Variants in PARD3 observed in about 807,000 individuals in gnomAD.
The protein encoded by PARD3 is par-3 family cell polarity regulator, also known as partitioning defective 3 homolog.
In PARD3, 75 loss-of-function variants were observed where a neutral mutation model predicts 155.4. The observed-to-expected ratio is 0.48, with a 90% CI of 0.40 to 0.58. The LOEUF (loss-of-function observed/expected upper bound fraction) is 0.58. PARD3 is among the 20% of genes least tolerant of loss of function. PARD3 has a pLI of 0.00. For missense variants in PARD3, 1,642 were observed against 1,721.7 expected, an observed-to-expected ratio of 0.95 and a Z score of 0.82; for synonymous variants, 576 against 610.5, an observed-to-expected ratio of 0.94 and a Z score of 0.83.
chr10:34,438,065 G>C (rs1225789508), intron 5 of PARD3, among the ~76,000 whole-genome samples: 1 of 152,092 alleles, frequency 6.6e-6, no homozygotes, highest in Non-Finnish European at 1.5e-5. Context: ...GGAGAGCCAG[G>C]TGGCTTTCCC....
chr10:34,691,604 A>G (rs749465607), intron 2 of PARD3, among the ~76,000 whole-genome samples: 3 of 152,230 alleles, frequency 2.0e-5, no homozygotes, highest in Non-Finnish European at 4.4e-5. Flanking sequence ...AATAATTCAC[A>G]TAGAACTGAA....
chr10:34,576,556 T>C (rs1304299415), intron 2 of PARD3, among the ~76,000 whole-genome samples: 2 of 151,880 alleles, frequency 1.3e-5, no homozygotes, highest in Non-Finnish European at 2.9e-5. Context: ...CATATAAAAT[T>C]ATAGGTAAGC....
chr10:34,258,276 G>C (rs1228091617), intron 22 of PARD3, among the ~76,000 whole-genome samples: 1 of 152,202 alleles, frequency 6.6e-6, no homozygotes, highest in African/African-American at 2.4e-5. Flanking sequence ...AACAAGACTG[G>C]AGATGGGAGA....
chr10:34,313,132 T>C (rs1957794905), intron 20 of PARD3, among the ~76,000 whole-genome samples: 1 of 152,222 alleles, frequency 6.6e-6, no homozygotes, highest in African/African-American at 2.4e-5. Flanking sequence ...TTTCATACAA[T>C]TGAAGAATTC....
chr10:34,729,225 C>T (rs1025596542), intron 1 of PARD3, among the ~76,000 whole-genome samples: 4 of 152,148 alleles, frequency 2.6e-5, no homozygotes, highest in East Asian at 1.9e-4. Flanking sequence ...ATGCAGCCTA[C>T]GCTTTTAAAG....
At chr10:34,477,001 G>A (rs1174945938) in intron 3 of PARD3, among the ~76,000 whole-genome samples, 7 of 152,190 alleles carry the variant, frequency 4.6e-5, no homozygotes, top group Non-Finnish European at 1.0e-4. Context: ...ACCTCTAACT[G>A]TCCTGACTAA....
chr10:34,386,839 A>C (rs1842399968), intron 7 of PARD3, among the ~76,000 whole-genome samples: 1 of 151,718 alleles, frequency 6.6e-6, no homozygotes, highest in Non-Finnish European at 1.5e-5. Flanking sequence ...AAAAAGAATT[A>C]TTAAGATATA....
At chr10:34,291,678 T>C (rs1270147779) in intron 20 of PARD3, among the ~76,000 whole-genome samples, 1 of 152,184 alleles carries the variant, frequency 6.6e-6, no homozygotes, top group Admixed American at 6.5e-5. Flanking sequence ...AGACACCTCA[T>C]AAGCTTTAGG....
intron 1 of PARD3, among the ~76,000 whole-genome samples, chr10:34,702,990 G>A (rs533444953): frequency 6.6e-6 from 1 of 152,172 alleles, no homozygotes; most frequent in East Asian, 1.9e-4. Context: ...TCAGATGGTG[G>A]TACATTCAGG....
At chr10:34,669,844 A>G (rs1411469409) in intron 2 of PARD3, among the ~76,000 whole-genome samples, 1 of 152,336 alleles carries the variant, frequency 6.6e-6, no homozygotes, top group African/African-American at 2.4e-5. Flanking sequence ...AACATATTCC[A>G]AAAGGATGTA....
chr10:34,739,507 G>A (rs1486399771), intron 1 of PARD3, among the ~76,000 whole-genome samples: 1 of 152,182 alleles, frequency 6.6e-6, no homozygotes, highest in Non-Finnish European at 1.5e-5. Context: ...GGAGTGCTGG[G>A]AGAGAGGCGA....
At chr10:34,512,594 A>C (rs2081466067) in intron 3 of PARD3, among the ~76,000 whole-genome samples, 1 of 152,202 alleles carries the variant, frequency 6.6e-6, no homozygotes, top group African/African-American at 2.4e-5. Flanking sequence ...TCCAGAGCAT[A>C]GTCTGGATTG....
intron 20 of PARD3, among the ~76,000 whole-genome samples, chr10:34,296,152 T>C (rs1956899503): frequency 6.6e-6 from 1 of 152,190 alleles, no homozygotes; most frequent in Admixed American, 6.5e-5. Context: ...TCATTTAGAT[T>C]TACACATTAA....
chr10:34,586,614 G>C (rs1382464105), intron 2 of PARD3, among the ~76,000 whole-genome samples: 1 of 152,150 alleles, frequency 6.6e-6, no homozygotes, highest in Admixed American at 6.5e-5. Context: ...TTTGTTTCTA[G>C]CCATATTTGA....
chr10:34,657,928 C>T (rs1478989360), intron 2 of PARD3, among the ~76,000 whole-genome samples: 1 of 151,954 alleles, frequency 6.6e-6, no homozygotes, highest in Admixed American at 6.6e-5. Flanking sequence ...GGGCGGATCA[C>T]GAGGTCAGGA....
At chr10:34,460,658 C>T (rs1416862344) in intron 4 of PARD3, among the ~76,000 whole-genome samples, 1 of 151,830 alleles carries the variant, frequency 6.6e-6, no homozygotes, top group African/African-American at 2.4e-5. Context: ...ACGGTGAAAC[C>T]CCGTCTCTAC....
chr10:34,606,638 C>CAAA (rs398013195), intron 2 of PARD3, among the ~76,000 whole-genome samples: 30 of 79,628 alleles, frequency 3.8e-4, no homozygotes, highest in African/African-American at 1.2e-3. Context: ...CCCGTGTCTT[C>CAAA]AAAAAAAAAA....
At chr10:34,139,241 T>C (rs1336457811) in intron 22 of PARD3, among the ~76,000 whole-genome samples, 2 of 152,214 alleles carry the variant, frequency 1.3e-5, no homozygotes, top group Non-Finnish European at 2.9e-5. Flanking sequence ...TCCTATTTTC[T>C]TCAACCCTGA....
At chr10:34,502,563 T>C (rs561185479) in intron 3 of PARD3, among the ~76,000 whole-genome samples, 53 of 152,262 alleles carry the variant, frequency 3.5e-4, no homozygotes, top group African/African-American at 1.3e-3. Flanking sequence ...GTACTAATTG[T>C]GTGTGTAGCG....
Sources: gnomAD v4.1 joint callset for allele counts (sites outside exome capture counted in the v4.1 genomes callset) on GRCh38, gnomAD v4.1.1 for gene constraint, MANE v1.5 for transcripts, NCBI Gene and HGNC (gene_info 2026-07-23, HGNC 2026-07-21) for gene names.